The following ADAM17 variants were observed in gnomAD, a reference collection of about 807,000 sequenced individuals.
ADAM17 encodes disintegrin and metalloproteinase domain-containing protein 17.
A neutral mutation model predicts 96.7 loss-of-function variants in ADAM17; 39 were observed. The observed-to-expected ratio is 0.40, with a 90% CI of 0.31 to 0.53. ADAM17 has a LOEUF of 0.53. ADAM17 is among the 20% of genes least tolerant of loss of function. The pLI, the probability that ADAM17 is intolerant of heterozygous loss-of-function variation, is 0.44. For synonymous variants in ADAM17, 344 were observed against 359.2 expected (o/e 0.96, Z 0.48); for missense variants, 777 against 1,013.2 (o/e 0.77, Z 3.17).
intron 4 of ADAM17, among the ~76,000 whole-genome samples, chr2:9,529,734 G>C (rs774976577): frequency 6.6e-6 from 1 of 152,132 alleles, no homozygotes; most frequent in South Asian, 2.1e-4. Flanking sequence ...ACTTTGGGGA[G>C]GCCATGGTGG....
At chr2:9,516,009 TC>T (rs1664039672) in intron 10 of ADAM17, among the ~76,000 whole-genome samples, 1 of 152,034 alleles carries the variant, frequency 6.6e-6, no homozygotes, top group African/African-American at 2.4e-5. Flanking sequence ...GCTCGAGCAA[TC>T]CTCCCACCTC....
At position 9,492,928 on chromosome 2, in the gene ADAM17, C is replaced by A; in HGVS notation, c.2052G>T (p.Trp684Cys). The change falls in exon 17 of 19, where the codon TGG (tryptophan) becomes TGT (cysteine). Residue 684 changes from tryptophan to cysteine, a missense_variant. Coordinates refer to ENST00000310823, the MANE Select transcript of ADAM17 (RefSeq NM_003183.6). ...GSVLVFSLIF[W>C]IPFSILVHCV... ...AATGGACAAGAATGCTGAAAGGAAT[C>A]CAAAATATCAAGGAGAAAACCAGGA... 2 of 1,612,696 alleles carry A rather than the reference C, an allele frequency of 1.2e-6. No individual in the cohort carries two copies. Among genetic ancestry groups the A allele is most frequent in the Non-Finnish European group, 1.7e-6 (2 of 1,179,248 alleles).
intron 2 of ADAM17, among the ~76,000 whole-genome samples, chr2:9,542,205 C>T (rs1451373300): frequency 1.3e-5 from 2 of 152,018 alleles, no homozygotes; most frequent in African/African-American, 4.8e-5. Context: ...ACATATCCAT[C>T]AATTTATGCT....
Position 9,543,203 on chromosome 2 carries a change from T to C in ADAM17, c.180A>G (p.Leu60=), listed in dbSNP as rs776442513. The part of the protein sequence containing the change: ...IQQHSVRKRD[L]QTSTHVETLL... ...GTGTTTCTACATGTGTTGAAGTCTG[T>C]AGATCTCTTTTTCTTACCGAATGCT... is the stretch of plus-strand genomic sequence containing the variant. Residue 60 remains leucine, a synonymous_variant, in exon 2 of 19, where the codon CTA becomes CTG. Coordinates refer to ENST00000310823, the MANE Select transcript of ADAM17 (RefSeq NM_003183.6). 5.6e-6 allele frequency: 9 copies of C among 1,610,882 alleles called. No homozygotes were observed. In the Admixed American group the frequency reaches 6.7e-5, roughly 12 times the overall value.
chr2:9,538,319 C>T (rs184109100), intron 2 of ADAM17, among the ~76,000 whole-genome samples: 6 of 152,092 alleles, frequency 3.9e-5, no homozygotes, highest in African/African-American at 7.2e-5. Flanking sequence ...TTTAAACTAC[C>T]GGAAAGAAAT....
chr2:9,515,276 G>A (rs1664001034), intron 10 of ADAM17, among the ~76,000 whole-genome samples: 1 of 152,080 alleles, frequency 6.6e-6, no homozygotes, highest in Admixed American at 6.6e-5. Context: ...CTTTCAGACT[G>A]GCTTATTTTA....
chr2:9,551,118 G>A (rs1009011523), intron 1 of ADAM17, among the ~76,000 whole-genome samples: 3 of 151,426 alleles, frequency 2.0e-5, no homozygotes, highest in Admixed American at 6.6e-5. Flanking sequence ...TATATTTGAA[G>A]TGCCAAATGG....
intron 10 of ADAM17, among the ~76,000 whole-genome samples, chr2:9,510,723 T>C (rs1457217506): frequency 6.6e-6 from 1 of 150,926 alleles, no homozygotes; most frequent in Non-Finnish European, 1.5e-5. Context: ...TCCCAGCTAC[T>C]TGGGAGGCTG....
chr2:9,497,150 C>A lies in ADAM17; in HGVS notation c.1747G>T (p.Glu583Ter). Residue 583 changes from glutamate (E) to a stop codon, truncating the protein, a stop_gained, in exon 14 of 19, where the codon GAG becomes TAG. Transcript: ENST00000310823. LOFTEE classifies it high-confidence loss of function. ...CKDGKCIPFC[E>*]REQQLESCAC... ...CAGGACTCCAGCTGCTGTTCCCTCTCGCAGAAAGGGATGCATTTCCCATCC... is the reference window on the plus strand; with the variant it reads ...CAGGACTCCAGCTGCTGTTCCCTCTAGCAGAAAGGGATGCATTTCCCATCC... 1 of 1,614,178 alleles carries A rather than the reference C, an allele frequency of 6.2e-7. No homozygotes were observed. Among genetic ancestry groups the A allele is most frequent in the Non-Finnish European group, 8.5e-7 (1 of 1,180,012 alleles).
intron 2 of ADAM17, among the ~76,000 whole-genome samples, chr2:9,540,960 T>G (rs1011893374): frequency 6.6e-6 from 1 of 152,194 alleles, no homozygotes; most frequent in Non-Finnish European, 1.5e-5. Context: ...TTGTCAAATC[T>G]CTTTGGGAGG....
intron 13 of ADAM17, among the ~76,000 whole-genome samples, chr2:9,499,420 G>T (rs1572893103): frequency 1.3e-5 from 2 of 150,840 alleles, no homozygotes; most frequent in Admixed American, 6.6e-5. Context: ...GTTTTTTTTT[G>T]AGATGGAGTC....
chr2:9,524,074 T>C (rs972902559), intron 6 of ADAM17, among the ~76,000 whole-genome samples: 13 of 152,018 alleles, frequency 8.6e-5, no homozygotes, highest in African/African-American at 2.9e-4. Flanking sequence ...TCATAACATT[T>C]TCCTTTCTCT....
chr2:9,523,532 T>C (rs923113233), intron 6 of ADAM17, among the ~76,000 whole-genome samples, 194 bp from the exon 7 acceptor site: 22 of 152,224 alleles, frequency 1.4e-4, no homozygotes, highest in Non-Finnish European at 2.4e-4. Context: ...CTTAAAGTGC[T>C]GTTACCAGAA....
intron 1 of ADAM17, 59 bp from the exon 2 acceptor site, chr2:9,543,344 T>C: frequency 7.2e-7 from 1 of 1,383,934 alleles, no homozygotes; most frequent in Non-Finnish European, 9.5e-7. Flanking sequence ...TGTAGTATCG[T>C]TAAAATGAGA....
At chr2:9,491,271 G>C in intron 17 of ADAM17, 120 bp from the exon 18 acceptor site, 1 of 833,876 alleles carries the variant, frequency 1.2e-6, no homozygotes, top group Non-Finnish European at 1.9e-6. Context: ...TGTAGAAAGT[G>C]ATAGCAGGCT....
chr2:9,497,079 T>C, intron 14 of ADAM17, 35 bp downstream of exon 14: 1 of 1,605,298 alleles, frequency 6.2e-7, no homozygotes, highest in Non-Finnish European at 8.5e-7. Context: ...GGCCATGTTT[T>C]CTCCTGCTGC....
intron 4 of ADAM17, among the ~76,000 whole-genome samples, chr2:9,528,295 A>C (rs1648979794): frequency 2.0e-5 from 3 of 152,206 alleles, no homozygotes; most frequent in South Asian, 4.1e-4. Flanking sequence ...TCTACTGTAC[A>C]CTGGCACTGT....
chr2:9,554,336 C>A (rs139519114), intron 1 of ADAM17, among the ~76,000 whole-genome samples: 9 of 152,286 alleles, frequency 5.9e-5, no homozygotes, highest in African/African-American at 2.2e-4. Context: ...AATCCTACCT[C>A]AAAATGTCCT....
intron 1 of ADAM17, among the ~76,000 whole-genome samples, chr2:9,545,501 C>G (rs900448669): frequency 6.7e-6 from 1 of 148,614 alleles, no homozygotes; most frequent in Non-Finnish European, 1.5e-5. Flanking sequence ...ACCTGGGAGG[C>G]GGAGGTTGCA....
Sources: allele counts gnomAD v4.1 joint callset (sites outside exome capture counted in the v4.1 genomes callset), GRCh38; gene constraint gnomAD v4.1.1; transcripts MANE v1.5; gene names NCBI Gene and HGNC (gene_info 2026-07-23, HGNC 2026-07-21).